IQGAP2: variants seen among roughly 807,000 people sequenced by gnomAD.
IQGAP2 encodes the protein ras GTPase-activating-like protein IQGAP2.
A neutral mutation model predicts 201.3 loss-of-function variants in IQGAP2; 173 were observed. The ratio of observed to expected loss-of-function variants is 0.86; its 90% confidence interval spans 0.76 to 0.98. The LOEUF is 0.98. Ranked by LOEUF, IQGAP2 falls within the 50% of genes least tolerant of loss-of-function variation. The pLI is 0.00. For missense variants in IQGAP2, 1,687 were observed against 1,864.8 expected (o/e 0.90, Z 1.76); for synonymous variants, 675 against 673.9 (o/e 1.00, Z -0.03).
chr5:76,434,208 A>T (rs2150095005), intron 1 of IQGAP2, among the ~76,000 whole-genome samples: 1 of 152,318 alleles, frequency 6.6e-6, no homozygotes, highest in African/African-American at 2.4e-5. Flanking sequence ...AAGAAATTTC[A>T]ATAGCTTTGG....
At chr5:76,529,903 T>A (rs901793507) in intron 2 of IQGAP2, among the ~76,000 whole-genome samples, 4 of 152,170 alleles carry the variant, frequency 2.6e-5, no homozygotes, top group African/African-American at 4.8e-5. Context: ...TAAACACTGA[T>A]GGACTGATGT....
chr5:76,639,069 A>G (rs950240981), intron 16 of IQGAP2, among the ~76,000 whole-genome samples: 7 of 152,222 alleles, frequency 4.6e-5, no homozygotes, highest in African/African-American at 1.7e-4. Context: ...TCCTGAAACC[A>G]TAAACATAGC....
rs147423316 is a variant in IQGAP2, at chr5:76,646,047, A to G, written c.2094+4944A>G. 6.6e-5 allele frequency among the ~76,000 whole-genome samples: 10 copies of G among 152,330 alleles called. No individual in the cohort carries two copies. The East Asian group carries it at 1.9e-3, about 29-fold the overall frequency. ...CTTGTTTAGCCTTTCAGTATGGACT[A>G]AGGAAGGAGTGGAATTTATAATATA... On this transcript the variant is annotated intron_variant, in intron 17 of 35. Transcript: ENST00000274364.
chr5:76,492,840 C>T (rs188668514), intron 2 of IQGAP2, among the ~76,000 whole-genome samples: 160 of 152,224 alleles, frequency 1.1e-3, no homozygotes, highest in Admixed American at 7.8e-3. Flanking sequence ...TGAGTAGTGT[C>T]CCTTGAGGAG....
At chr5:76,621,263 C>T (rs541198924) in intron 13 of IQGAP2, among the ~76,000 whole-genome samples, 5 of 152,126 alleles carry the variant, frequency 3.3e-5, no homozygotes, top group East Asian at 1.9e-4. Context: ...GCTGAATTCA[C>T]GGTGTAAAAT....
intron 17 of IQGAP2, among the ~76,000 whole-genome samples, chr5:76,646,907 A>T (rs1752083979): frequency 6.6e-6 from 1 of 152,104 alleles, no homozygotes; most frequent in African/African-American, 2.4e-5. Flanking sequence ...TATTCTTGAC[A>T]TGTAGAAAAC....
chr5:76,616,158 T>C (rs1182857626), intron 13 of IQGAP2: 1 of 152,416 alleles, frequency 6.6e-6, no homozygotes, highest in East Asian at 1.9e-4. Flanking sequence ...GAACTATATA[T>C]AAATGCCATA....
intron 35 of IQGAP2, among the ~76,000 whole-genome samples, chr5:76,704,752 C>T (rs1475480606): frequency 6.6e-6 from 1 of 152,202 alleles, no homozygotes; most frequent in Admixed American, 6.5e-5. Context: ...CATTTGATAG[C>T]TGTCAGATGT....
chr5:76,492,964 C>T (rs1756650525), intron 2 of IQGAP2, among the ~76,000 whole-genome samples: 1 of 152,128 alleles, frequency 6.6e-6, no homozygotes, highest in East Asian at 1.9e-4. Context: ...ATATGCGTAC[C>T]AGCATAGTCA....
chr5:76,579,480 G>A (rs1745692771), intron 5 of IQGAP2, among the ~76,000 whole-genome samples: 1 of 150,102 alleles, frequency 6.7e-6, no homozygotes, highest in Admixed American at 6.6e-5. Flanking sequence ...TTAAGTACCC[G>A]GCTTTCAGGT....
At chr5:76,674,447 A>C in intron 26 of IQGAP2, 30 bp from the exon 27 acceptor site, 1 of 1,359,128 alleles carries the variant, frequency 7.4e-7, no homozygotes, top group Non-Finnish European at 1.0e-6. Context: ...TCTCTCTTAA[A>C]AATGGTCATG....
intron 2 of IQGAP2, among the ~76,000 whole-genome samples, chr5:76,551,809 G>C (rs1372314061): frequency 6.6e-6 from 1 of 150,510 alleles, no homozygotes; most frequent in Non-Finnish European, 1.5e-5. Context: ...CGGCAGTACA[G>C]TCCAGCCTCC....
At chr5:76,440,874 T>C (rs1489123525) in intron 1 of IQGAP2, among the ~76,000 whole-genome samples, 1 of 152,028 alleles carries the variant, frequency 6.6e-6, no homozygotes, top group Non-Finnish European at 1.5e-5. Flanking sequence ...CTACTAAAAA[T>C]ACAAAAATTA....
chr5:76,615,098 CT>C (rs1561511996), intron 13 of IQGAP2, among the ~76,000 whole-genome samples: 1 of 152,172 alleles, frequency 6.6e-6, no homozygotes, highest in Non-Finnish European at 1.5e-5. Flanking sequence ...GACTTTAACA[CT>C]TTTTCTATGT....
In IQGAP2 at chr5:76,532,094, A is replaced by G. The variant is rs1211633128; in HGVS notation, c.147-30302A>G. On this transcript the variant is annotated intron_variant, in intron 2 of 35. Coordinates refer to ENST00000274364, the MANE Select transcript of IQGAP2 (RefSeq NM_006633.5). ...ATATTCTGGGTTAAGATTTTAGCATAGGAGTTTGAGGGGGACATAAGCATT... is the reference window on the plus strand; with the variant it reads ...ATATTCTGGGTTAAGATTTTAGCATGGGAGTTTGAGGGGGACATAAGCATT... Among the ~76,000 whole-genome samples the G allele has an allele frequency of 5.9e-5, 9 of 152,334 alleles. No individual in the cohort carries two copies. In the East Asian group the frequency reaches 1.4e-3, roughly 23 times the overall value.
intron 14 of IQGAP2, among the ~76,000 whole-genome samples, chr5:76,630,868 T>C (rs1750641014): frequency 6.6e-6 from 1 of 152,096 alleles, no homozygotes; most frequent in Non-Finnish European, 1.5e-5. Context: ...CCTTCATCTA[T>C]ATGTGCCCCT....
Position 76,658,535 on chromosome 5 carries a change from GGAGGAACTA to G in IQGAP2, c.2402_2410del (p.Glu801_Glu803del), listed in dbSNP as rs778746284. The stretch of plus-strand genomic sequence containing the variant: ...TGGACCAAAGTGATTTGGATTTCCA[GGAGGAACTA>G]GAGGTTGCACGATTAAGGGAAGAAG... On this transcript the variant is annotated inframe_deletion, in exon 21 of 36. Coordinates refer to ENST00000274364, the MANE Select transcript of IQGAP2 (RefSeq NM_006633.5). The G allele has an allele frequency of 6.2e-7, 1 of 1,614,042 alleles. No individual in the cohort carries two copies. The highest frequency in any genetic ancestry group is 1.1e-5 in the South Asian group (1 of 91,040).
chr5:76,590,094 G>C (rs974193600), intron 7 of IQGAP2, among the ~76,000 whole-genome samples: 6 of 152,174 alleles, frequency 3.9e-5, no homozygotes, highest in Admixed American at 6.5e-5. Context: ...AATTACCCAT[G>C]TCGCCCTGAC....
At chr5:76,488,809 G>C (rs1382212688) in intron 2 of IQGAP2, among the ~76,000 whole-genome samples, 1 of 152,146 alleles carries the variant, frequency 6.6e-6, no homozygotes, top group Non-Finnish European at 1.5e-5. Flanking sequence ...TAAAACAGAG[G>C]CAAAAGTTTC....
Sources: gnomAD v4.1 joint callset for allele counts (sites outside exome capture counted in the v4.1 genomes callset) on GRCh38, gnomAD v4.1.1 for gene constraint, MANE v1.5 for transcripts, NCBI Gene and HGNC (gene_info 2026-07-23, HGNC 2026-07-21) for gene names.